The following SHISA9 variants were observed in gnomAD, a reference collection of about 807,000 sequenced individuals.
SHISA9 encodes the protein protein shisa-9.
A neutral mutation model predicts 38.0 loss-of-function variants in SHISA9; 13 were observed. The ratio of observed to expected loss-of-function variants is 0.34; its 90% CI spans 0.22 to 0.54. SHISA9 has a LOEUF of 0.54. Among genes scored for constraint, SHISA9 ranks in the 20% least tolerant of loss-of-function variants. The pLI is 0.91. For synonymous variants in SHISA9, 275 were observed against 242.0 expected (o/e 1.14, Z -1.27); for missense variants, 538 against 575.8 (o/e 0.93, Z 0.67).
intron 2 of SHISA9, among the ~76,000 whole-genome samples, chr16:12,947,055 C>G (rs537148216): frequency 4.4e-4 from 67 of 151,996 alleles, no homozygotes; most frequent in South Asian, 8.4e-4. Context: ...AGCATTTGGT[C>G]GAGGGGAATA....
chr16:13,041,210 C>T (rs1017046746), intron 2 of SHISA9, among the ~76,000 whole-genome samples: 4 of 152,138 alleles, frequency 2.6e-5, no homozygotes, highest in African/African-American at 9.7e-5. Context: ...GGAGTGCAGG[C>T]CCCCACAAAT....
chr16:12,938,669 T>C (rs191469280), intron 2 of SHISA9, among the ~76,000 whole-genome samples: 169 of 151,938 alleles, frequency 1.1e-3, no homozygotes, highest in African/African-American at 3.7e-3. Flanking sequence ...AGCTAATTTT[T>C]TTTTTGTATT....
chr16:13,335,615 G>C, the SHISA9 span, among the ~76,000 whole-genome samples: 3 of 152,130 alleles, frequency 2.0e-5, no homozygotes, highest in South Asian at 6.2e-4. Flanking sequence ...AACTTGTTTC[G>C]ATGAACCAGT....
intron 2 of SHISA9, among the ~76,000 whole-genome samples, chr16:12,969,826 A>T (rs2072031516): frequency 6.6e-6 from 1 of 152,206 alleles, no homozygotes; most frequent in Admixed American, 6.5e-5. Context: ...GAATGAGCTG[A>T]AACTGTATTC....
At chr16:13,488,581 T>C in the SHISA9 span, among the ~76,000 whole-genome samples, 1 of 152,226 alleles carries the variant, frequency 6.6e-6, no homozygotes, top group Admixed American at 6.5e-5. Context: ...TACAGCTGCC[T>C]ACAGTATTTC....
the SHISA9 span, among the ~76,000 whole-genome samples, chr16:13,433,882 T>C: frequency 1.3e-5 from 2 of 152,188 alleles, no homozygotes; most frequent in Non-Finnish European, 2.9e-5. Flanking sequence ...ATTGCTTGTG[T>C]GTATTAGTCA....
At chr16:12,970,730 G>T (rs1045854010) in intron 2 of SHISA9, among the ~76,000 whole-genome samples, 3 of 150,680 alleles carry the variant, frequency 2.0e-5, no homozygotes, top group Non-Finnish European at 4.4e-5. Context: ...CACCGTGTTG[G>T]CCAGGCTGGT....
the SHISA9 span, among the ~76,000 whole-genome samples, chr16:13,330,415 G>C: frequency 1.4e-4 from 22 of 152,268 alleles, no homozygotes; most frequent in East Asian, 3.5e-3. Flanking sequence ...TACTATAAAA[G>C]GATATCCAGT....
At chr16:13,199,552 G>C (rs1160362925) in intron 2 of SHISA9, among the ~76,000 whole-genome samples, 1 of 152,182 alleles carries the variant, frequency 6.6e-6, no homozygotes, top group Non-Finnish European at 1.5e-5. Context: ...TCTTTAGAAA[G>C]GGGCTTCTCT....
At chr16:13,162,594 TG>T (rs2050604674) in intron 2 of SHISA9, among the ~76,000 whole-genome samples, 1 of 152,186 alleles carries the variant, frequency 6.6e-6, no homozygotes, top group African/African-American at 2.4e-5. Context: ...AACTGGGCTA[TG>T]GCAAATGGAA....
chr16:13,261,014 C>A, the SHISA9 span, among the ~76,000 whole-genome samples: 1 of 152,200 alleles, frequency 6.6e-6, no homozygotes, highest in East Asian at 1.9e-4. Context: ...CATCAGATCT[C>A]GTGAAACTTA....
chr16:13,057,601 A>G (rs1318865913), intron 2 of SHISA9, among the ~76,000 whole-genome samples: 2 of 152,190 alleles, frequency 1.3e-5, no homozygotes, highest in African/African-American at 4.8e-5. Flanking sequence ...TCTGATGCAT[A>G]CCATAGTTTG....
At chr16:13,503,155 A>G in the SHISA9 span, among the ~76,000 whole-genome samples, 1 of 152,154 alleles carries the variant, frequency 6.6e-6, no homozygotes, top group African/African-American at 2.4e-5. Flanking sequence ...GATAAAGCAA[A>G]AGTCTTGAAT....
intron 2 of SHISA9, among the ~76,000 whole-genome samples, chr16:13,187,537 G>A (rs2050839154): frequency 6.6e-6 from 1 of 151,876 alleles, no homozygotes; most frequent in Admixed American, 6.6e-5. Context: ...GTTTCCCCAT[G>A]TTGGCCAGGC....
At chr16:12,970,327 ATATATATATATATATACATATATGTG>A (rs2072039087) in intron 2 of SHISA9, among the ~76,000 whole-genome samples, 2 of 43,580 alleles carry the variant, frequency 4.6e-5, no homozygotes, top group Admixed American at 2.7e-4. Context: ...GTATATATAC[ATATATATATATATATACATATATGTG>A]TATATATATA....
At chr16:13,099,936 C>G (rs1395583619) in intron 2 of SHISA9, among the ~76,000 whole-genome samples, 1 of 152,274 alleles carries the variant, frequency 6.6e-6, no homozygotes, top group East Asian at 1.9e-4. Context: ...GCCTTTTGTC[C>G]CTGAATATTT....
At chr16:13,230,139 G>T (rs1029473233) in intron 4 of SHISA9, among the ~76,000 whole-genome samples, 5 of 152,220 alleles carry the variant, frequency 3.3e-5, no homozygotes, top group Non-Finnish European at 7.3e-5. Flanking sequence ...AAGAAGGCAG[G>T]TTGGTTTGGA....
chr16:13,087,493 T>G (rs1394677399), intron 2 of SHISA9, among the ~76,000 whole-genome samples: 1 of 152,180 alleles, frequency 6.6e-6, no homozygotes, highest in Non-Finnish European at 1.5e-5. Flanking sequence ...ATCTGTTGTT[T>G]CCTGACTTTT....
the SHISA9 span, among the ~76,000 whole-genome samples, chr16:13,515,743 GTTAA>G: frequency 2.0e-5 from 3 of 152,016 alleles, no homozygotes; most frequent in African/African-American, 4.8e-5. Flanking sequence ...TGTTTAATAA[GTTAA>G]TTAAGAAGAA....
Sources: allele counts gnomAD v4.1 joint callset (sites outside exome capture counted in the v4.1 genomes callset), GRCh38; gene constraint gnomAD v4.1.1; transcripts MANE v1.5; gene names NCBI Gene and HGNC (gene_info 2026-07-23, HGNC 2026-07-21).